Variants in BTAF1 observed in about 807,000 individuals in gnomAD.
The protein encoded by BTAF1 is TATA-binding protein-associated factor 172.
BTAF1 carries 38 observed loss-of-function variants against 227.1 expected under a neutral mutation model. That is an observed-to-expected ratio of 0.17 (90% CI 0.13 to 0.22). The LOEUF (loss-of-function observed/expected upper bound fraction) is 0.22. Among genes scored for constraint, BTAF1 ranks in the 10% least tolerant of loss-of-function variants. The pLI is 1.00. For synonymous variants in BTAF1, 742 were observed against 751.9 expected (o/e 0.99, Z 0.21); for missense variants, 1,598 against 2,204.0 (o/e 0.73, Z 5.51).
chr10:91,989,063 A>G (rs1261775163), intron 19 of BTAF1, 91 bp from the exon 20 acceptor site: 11 of 1,193,020 alleles, frequency 9.2e-6, no homozygotes, highest in Non-Finnish European at 1.1e-5. Context: ...CCAAAATTGA[A>G]ACAGAAAGCT....
intron 23 of BTAF1, among the ~76,000 whole-genome samples, chr10:91,995,855 A>G (rs2134046512): frequency 6.6e-6 from 1 of 152,206 alleles, no homozygotes; most frequent in Admixed American, 6.5e-5. Flanking sequence ...TGCTGTTGTG[A>G]TGCTGTTGTG....
At chr10:91,956,949 C>T (rs1237651359) in intron 7 of BTAF1, among the ~76,000 whole-genome samples, 1 of 151,836 alleles carries the variant, frequency 6.6e-6, no homozygotes, top group Non-Finnish European at 1.5e-5. Flanking sequence ...GAGATTGCAC[C>T]ACCGCACTCT....
intron 6 of BTAF1, among the ~76,000 whole-genome samples, chr10:91,955,418 A>C (rs1037188177): frequency 2.0e-5 from 3 of 152,066 alleles, no homozygotes; most frequent in Admixed American, 2.0e-4. Flanking sequence ...GAAATAAATA[A>C]GTAAAATACA....
chr10:91,963,418 C>CAAA (rs71025375), intron 12 of BTAF1, among the ~76,000 whole-genome samples: 6 of 127,180 alleles, frequency 4.7e-5, no homozygotes, highest in African/African-American at 9.0e-5. Flanking sequence ...GACTCCGTCT[C>CAAA]AAAAAAAAAA....
chr10:91,944,569 TTTATACA>T (rs1845232721), intron 4 of BTAF1, among the ~76,000 whole-genome samples: 1 of 152,252 alleles, frequency 6.6e-6, no homozygotes, highest in Admixed American at 6.5e-5. Context: ...TGAGATATAA[TTTATACA>T]TTATACAATT....
chr10:92,024,678 A>G, intron 34 of BTAF1, 78 bp from the exon 35 acceptor site: 1 of 1,226,828 alleles, frequency 8.2e-7, no homozygotes, highest in Non-Finnish European at 1.1e-6. Context: ...TTCTTGCCAC[A>G]GAGAGGAATG....
At position 91,924,102 on chromosome 10, in the gene BTAF1, T is replaced by C. The variant is rs1843663088; in HGVS notation, c.14+12T>C. The C allele has an allele frequency of 1.9e-6, 3 of 1,606,794 alleles. No individual in the cohort carries two copies. The highest frequency in any genetic ancestry group is 1.3e-5 in the African/African-American group (1 of 74,112). ...ATGGCGGTCTCCAGGTGGGTCTTGC[T>C]CCTGACGAGCAAACTGGAAGGCGAT... On this transcript the variant is annotated intron_variant, in intron 1 of 37. Transcript: ENST00000265990.
rs186465152 is a variant in BTAF1 at position 91,961,645 on chromosome 10, T to C, written c.1264-893T>C. On this transcript the variant is annotated intron_variant, in intron 11 of 37. Coordinates refer to ENST00000265990, the MANE Select transcript of BTAF1 (RefSeq NM_003972.3). Reference sequence around the variant, plus strand: ...AAACCTTTTTTTCTGTGTTCTGCACTCTAGCCTCTGTAGATAACAGTAGAC... The same window carrying C: ...AAACCTTTTTTTCTGTGTTCTGCACCCTAGCCTCTGTAGATAACAGTAGAC... Among the ~76,000 whole-genome samples the C allele has an allele frequency of 3.3e-5, 5 of 152,258 alleles. No homozygotes were observed. In the East Asian group the frequency reaches 9.7e-4, roughly 29 times the overall value.
intron 19 of BTAF1, among the ~76,000 whole-genome samples, chr10:91,984,849 C>T (rs1241887491): frequency 1.3e-5 from 2 of 152,168 alleles, no homozygotes; most frequent in Non-Finnish European, 2.9e-5. Flanking sequence ...TACTTTATCA[C>T]ATACGTATTC....
intron 2 of BTAF1, among the ~76,000 whole-genome samples, chr10:91,939,709 A>G (rs1439463692): frequency 6.6e-6 from 1 of 152,158 alleles, no homozygotes; most frequent in Non-Finnish European, 1.5e-5. Context: ...AAGTGCTGGG[A>G]TTATAGGTGT....
chr10:91,966,499 G>A, intron 13 of BTAF1, 138 bp from the exon 14 acceptor site: 1 of 835,130 alleles, frequency 1.2e-6, no homozygotes, highest in South Asian at 1.8e-5. Flanking sequence ...TATGAAAACT[G>A]TATTATCTTT....
chr10:91,960,710 C>G (rs1194206534), intron 11 of BTAF1, among the ~76,000 whole-genome samples: 2 of 151,162 alleles, frequency 1.3e-5, no homozygotes. Context: ...GGTCACAAAA[C>G]TAGTTAAGGT....
chr10:91,949,142 C>T (rs958503488), intron 4 of BTAF1, among the ~76,000 whole-genome samples: 2 of 151,994 alleles, frequency 1.3e-5, no homozygotes, highest in Non-Finnish European at 2.9e-5. Context: ...GAGAAGACCC[C>T]ACCTCCACAA....
At position 91,940,098 on chromosome 10, in the gene BTAF1, A is replaced by G. The variant is rs748677545; in HGVS notation, c.253+32A>G. 2.5e-5 allele frequency: 35 copies of G among 1,411,454 alleles called. 1 individual carries two copies. In the Middle Eastern group the frequency reaches 1.8e-3, roughly 72 times the overall value. 87.4% of individuals were successfully genotyped at this position (1,411,454 alleles called of 1,614,324 possible). A position where few individuals can be genotyped will look rare whatever the true frequency, so the allele number is the denominator to read the frequency against. ...TTAAGTGGAGAAAGTAGTTTTAAGT[A>G]AAAACCTAACTGTAGAATTAATTAT... On this transcript the variant is annotated intron_variant, in intron 3 of 37. Coordinates refer to ENST00000265990, the MANE Select transcript of BTAF1 (RefSeq NM_003972.3).
At chr10:91,966,909 G>C in intron 14 of BTAF1, 152 bp downstream of exon 14, 1 of 645,780 alleles carries the variant, frequency 1.5e-6, no homozygotes, top group Non-Finnish European at 2.4e-6. Context: ...TATAATCACT[G>C]TAAGAGCAGA....
chr10:91,937,600 A>G (rs990720408), intron 2 of BTAF1, among the ~76,000 whole-genome samples: 2 of 152,158 alleles, frequency 1.3e-5, no homozygotes, highest in East Asian at 3.8e-4. Context: ...TAATGTTTTT[A>G]TATTGTAGCA....
intron 18 of BTAF1, among the ~76,000 whole-genome samples, 198 bp downstream of exon 18, chr10:91,982,959 C>T (rs755490618): frequency 2.6e-5 from 4 of 152,198 alleles, no homozygotes; most frequent in Non-Finnish European, 4.4e-5. Flanking sequence ...AGAACCCCTA[C>T]TCATACTTCC....
chr10:91,954,072 T>C (rs1331421210), intron 6 of BTAF1, among the ~76,000 whole-genome samples, 199 bp downstream of exon 6: 1 of 152,168 alleles, frequency 6.6e-6, no homozygotes, highest in Non-Finnish European at 1.5e-5. Flanking sequence ...ATGTACAGAC[T>C]TTTTTCCTAC....
At chr10:91,971,723 C>T (rs1394479555) in intron 14 of BTAF1, among the ~76,000 whole-genome samples, 8 of 152,078 alleles carry the variant, frequency 5.3e-5, no homozygotes, top group African/African-American at 4.8e-5. Context: ...CCACCTGCCT[C>T]GGCCTCCCAA....
Sources: allele counts gnomAD v4.1 joint callset (sites outside exome capture counted in the v4.1 genomes callset), GRCh38; gene constraint gnomAD v4.1.1; transcripts MANE v1.5; gene names NCBI Gene and HGNC (gene_info 2026-07-23, HGNC 2026-07-21).